Variants in DGLUCY observed in about 807,000 individuals in gnomAD.
The protein encoded by DGLUCY is D-glutamate cyclase, mitochondrial.
DGLUCY carries 58 observed loss-of-function variants against 58.5 expected under a neutral mutation model. The observed-to-expected ratio is 0.99, with a 90% CI of 0.80 to 1.23. The LOEUF (loss-of-function observed/expected upper bound fraction) is 1.23, where lower values mean the gene tolerates loss of function less well. Ranked by LOEUF, DGLUCY falls within the 50% of genes most tolerant of loss-of-function variation. The pLI is 0.00. For missense variants in DGLUCY, 779 were observed against 784.7 expected (o/e 0.99, Z 0.09); for synonymous variants, 325 against 314.1 (o/e 1.03, Z -0.37).
chr14:91,169,878 TG>T, intron 4 of DGLUCY, 124 bp from the exon 5 acceptor site: 2 of 977,530 alleles, frequency 2.0e-6, no homozygotes, highest in Non-Finnish European at 3.1e-6. Context: ...CTCCCTACCC[TG>T]GTGCCAGGGC....
chr14:91,148,844 G>A (rs976325566), intron 1 of DGLUCY: 1 of 152,298 alleles, frequency 6.6e-6, no homozygotes. Context: ...AGCTACTGAG[G>A]AAGCTGAGGT....
chr14:91,133,152 G>A (rs948539858), intron 1 of DGLUCY, among the ~76,000 whole-genome samples: 4 of 151,888 alleles, frequency 2.6e-5, no homozygotes, highest in Admixed American at 6.6e-5. Flanking sequence ...AAAATTAGCC[G>A]GGCGTGGTAG....
chr14:91,062,480 G>A (rs1595595176), intron 1 of DGLUCY, among the ~76,000 whole-genome samples: 2 of 143,614 alleles, frequency 1.4e-5, no homozygotes, highest in South Asian at 2.2e-4. Context: ...TCTGGCAGGC[G>A]GAGGTTGCAG....
intron 1 of DGLUCY, among the ~76,000 whole-genome samples, chr14:91,089,139 T>C (rs575372209): frequency 6.6e-6 from 1 of 152,348 alleles, no homozygotes; most frequent in African/African-American, 2.4e-5. Context: ...AGCTGCAAGA[T>C]TCTGGAAACA....
exon 1 of DGLUCY, chr14:91,060,471 G>T: frequency 7.2e-7 from 1 of 1,379,336 alleles, no homozygotes. Context: ...GTCGCTACGA[G>T]GGGAACCCAG....
At chr14:91,100,767 C>A (rs1418723826) in intron 1 of DGLUCY, among the ~76,000 whole-genome samples, 1 of 152,052 alleles carries the variant, frequency 6.6e-6, no homozygotes, top group Non-Finnish European at 1.5e-5. Flanking sequence ...CCAGTGAATT[C>A]TTTTTTTACA....
chr14:91,193,268 A>G (rs570716656), intron 9 of DGLUCY, among the ~76,000 whole-genome samples: 86 of 152,272 alleles, frequency 5.6e-4, no homozygotes, highest in African/African-American at 2.0e-3. Context: ...GGCCAACCTC[A>G]TTTCCATCTG....
At chr14:91,173,194 A>G (rs759085536) in intron 5 of DGLUCY, 95 bp from the exon 6 acceptor site, 14 of 1,380,136 alleles carry the variant, frequency 1.0e-5, no homozygotes, top group Non-Finnish European at 1.3e-5. Context: ...CTCCTCCTTC[A>G]TTTAGCTGCC....
At chr14:91,110,023 G>A (rs1345827987), upstream of DGLUCY, among the ~76,000 whole-genome samples, 1 of 152,208 alleles carries the variant, frequency 6.6e-6, no homozygotes, top group Non-Finnish European at 1.5e-5. Context: ...GCATACAATA[G>A]TTACCTAGGT....
chr14:91,199,610 A>G (rs2050428760), intron 10 of DGLUCY, 147 bp from the exon 11 acceptor site: 5 of 887,136 alleles, frequency 5.6e-6, no homozygotes, highest in Non-Finnish European at 8.7e-6. Flanking sequence ...GTCCTGGCCC[A>G]GAGTAGATGT....
intron 1 of DGLUCY, among the ~76,000 whole-genome samples, chr14:91,071,866 CAAA>C (rs921798938): frequency 3.7e-5 from 4 of 108,310 alleles, no homozygotes; most frequent in Admixed American, 1.0e-4. Flanking sequence ...GACTCCATCT[CAAA>C]AAAAAAAAAA....
intron 3 of DGLUCY, among the ~76,000 whole-genome samples, 166 bp downstream of exon 3, chr14:91,160,563 A>G (rs950425755): frequency 2.0e-5 from 3 of 152,178 alleles, no homozygotes; most frequent in Non-Finnish European, 4.4e-5. Context: ...TTAACTGCTC[A>G]GAAGAAACTG....
chr14:91,100,767 C>CT (rs1166144213), intron 1 of DGLUCY, among the ~76,000 whole-genome samples: 2 of 152,052 alleles, frequency 1.3e-5, no homozygotes, highest in African/African-American at 2.4e-5. Flanking sequence ...CCAGTGAATT[C>CT]TTTTTTTACA....
At chr14:91,170,594 C>T (rs766149801) in intron 5 of DGLUCY, among the ~76,000 whole-genome samples, 9 of 152,296 alleles carry the variant, frequency 5.9e-5, no homozygotes, top group East Asian at 1.9e-4. Context: ...GGCAGAGCCT[C>T]GGCCAGGCAG....
chr14:91,071,836 C>G lies in DGLUCY; in HGVS notation c.-82+11132C>G, dbSNP rs1372149734. ...TCAGCCAAGATCGCGCCACTGCACT[C>G]CAGCCTGGTAACAGAGTGAGACTCC... On this transcript the variant is annotated intron_variant, in intron 1 of 4. Coordinates refer to the DGLUCY transcript ENST00000521334. Among the ~76,000 whole-genome samples the G allele has an allele frequency of 2.6e-5, 4 of 151,352 alleles. No homozygotes were observed. In the East Asian group the frequency reaches 7.7e-4, roughly 29 times the overall value.
chr14:91,102,981 C>G (rs1329923472), intron 1 of DGLUCY, among the ~76,000 whole-genome samples: 1 of 151,844 alleles, frequency 6.6e-6, no homozygotes, highest in East Asian at 1.9e-4. Flanking sequence ...AGGCTGGTCT[C>G]GAACTCCTGA....
At chr14:91,211,068 G>A (rs1016986206) in intron 12 of DGLUCY, among the ~76,000 whole-genome samples, 1 of 152,010 alleles carries the variant, frequency 6.6e-6, no homozygotes, top group Non-Finnish European at 1.5e-5. Flanking sequence ...TGAACAAGTG[G>A]AATTTAAAAT....
chr14:91,190,608 C>G (rs1371255669), intron 9 of DGLUCY, among the ~76,000 whole-genome samples: 3 of 151,966 alleles, frequency 2.0e-5, no homozygotes, highest in East Asian at 3.9e-4. Flanking sequence ...GAAGGGCATC[C>G]TGGACTGTGG....
chr14:91,176,187 C>T, intron 7 of DGLUCY, 131 bp downstream of exon 7: 1 of 1,097,634 alleles, frequency 9.1e-7, no homozygotes, highest in Non-Finnish European at 1.2e-6. Context: ...AAAACAGAGG[C>T]CTACAGCTAC....
Sources: gnomAD v4.1 joint callset for allele counts (sites outside exome capture counted in the v4.1 genomes callset) on GRCh38, gnomAD v4.1.1 for gene constraint, MANE v1.5 for transcripts, NCBI Gene and HGNC (gene_info 2026-07-23, HGNC 2026-07-21) for gene names.